MYO1B: variants seen among roughly 807,000 people sequenced by gnomAD.
The protein encoded by MYO1B is myosin IB.
MYO1B carries 72 observed loss-of-function variants against 159.7 expected under a neutral mutation model. The ratio of observed to expected loss-of-function variants is 0.45; its 90% CI spans 0.37 to 0.55. The LOEUF is 0.55. Ranked by LOEUF, MYO1B falls within the 20% of genes least tolerant of loss-of-function variation. The pLI is 0.00. For missense variants in MYO1B, 1,062 were observed against 1,364.8 expected (o/e 0.78, Z 3.50); for synonymous variants, 468 against 473.8 (o/e 0.99, Z 0.16).
chr2:191,412,459 G>A (rs1415104267), intron 27 of MYO1B, among the ~76,000 whole-genome samples: 1 of 152,136 alleles, frequency 6.6e-6, no homozygotes, highest in Non-Finnish European at 1.5e-5. Flanking sequence ...GTCCTTTTTG[G>A]GTAGTCTTAT....
intron 4 of MYO1B, among the ~76,000 whole-genome samples, chr2:191,339,129 C>T (rs1692046426): frequency 6.6e-6 from 1 of 151,976 alleles, no homozygotes; most frequent in Non-Finnish European, 1.5e-5. Flanking sequence ...GAGTTGGATG[C>T]CTGGGTGATT....
At chr2:191,373,146 G>T (rs1363993436) in intron 13 of MYO1B, among the ~76,000 whole-genome samples, 2 of 152,048 alleles carry the variant, frequency 1.3e-5, no homozygotes, top group Non-Finnish European at 2.9e-5. Flanking sequence ...CACCGCGCCG[G>T]CCTGGCTGCC....
intron 27 of MYO1B, 104 bp from the exon 28 acceptor site, chr2:191,413,944 A>C (rs1697404296): frequency 4.3e-6 from 5 of 1,156,436 alleles, no homozygotes; most frequent in Non-Finnish European, 6.0e-6. Context: ...ATCAATTTTT[A>C]TGAAGTTGTC....
intron 9 of MYO1B, among the ~76,000 whole-genome samples, chr2:191,362,981 A>T (rs1300625498): frequency 3.9e-5 from 6 of 152,184 alleles, no homozygotes; most frequent in African/African-American, 1.4e-4. Context: ...GTTGAGGGTG[A>T]GTGAAAGGAC....
intron 3 of MYO1B, among the ~76,000 whole-genome samples, chr2:191,312,395 C>T (rs1574403604): frequency 6.6e-6 from 1 of 152,212 alleles, no homozygotes; most frequent in Non-Finnish European, 1.5e-5. Flanking sequence ...AAACCACCTC[C>T]ATTCTGAAGC....
chr2:191,256,212 T>C (rs1686435571), intron 1 of MYO1B, among the ~76,000 whole-genome samples: 1 of 152,232 alleles, frequency 6.6e-6, no homozygotes, highest in South Asian at 2.1e-4. Context: ...GGCTGGGCTC[T>C]GGAGACAATA....
chr2:191,377,304 G>A (rs1159997290), intron 13 of MYO1B, among the ~76,000 whole-genome samples: 1 of 152,162 alleles, frequency 6.6e-6, no homozygotes, highest in African/African-American at 2.4e-5. Flanking sequence ...ATGTTTCTAA[G>A]TTTTAGTTTT....
At chr2:191,356,352 T>TGA (rs1258558798) in intron 7 of MYO1B, among the ~76,000 whole-genome samples, 16 of 150,390 alleles carry the variant, frequency 1.1e-4, no homozygotes, top group Non-Finnish European at 1.9e-4. Flanking sequence ...TTTTTTTTTT[T>TGA]TTTTTGAGTT....
intron 16 of MYO1B, among the ~76,000 whole-genome samples, chr2:191,386,762 A>AT (rs565969340): frequency 1.3e-5 from 2 of 151,902 alleles, no homozygotes; most frequent in Non-Finnish European, 2.9e-5. Context: ...TTGGTACTTT[A>AT]TTTTTTTTAT....
chr2:191,304,716 T>G (rs13408787), intron 3 of MYO1B, among the ~76,000 whole-genome samples: 3,437 of 152,314 alleles, frequency 0.023, 120 homozygotes, highest in African/African-American at 0.077. Flanking sequence ...GCCTAATGTT[T>G]TTATCATGAA....
intron 2 of MYO1B, among the ~76,000 whole-genome samples, chr2:191,293,732 C>T (rs1345385207): frequency 6.6e-6 from 1 of 152,084 alleles, no homozygotes; most frequent in East Asian, 1.9e-4. Flanking sequence ...TTATCAGCAT[C>T]GTCTTTATGA....
intron 3 of MYO1B, among the ~76,000 whole-genome samples, chr2:191,310,817 A>C (rs1049397407): frequency 6.6e-6 from 1 of 152,188 alleles, no homozygotes; most frequent in African/African-American, 2.4e-5. Context: ...AACTGGAAAA[A>C]ATTTTCAGAC....
At chr2:191,408,695 AAATTT>A (rs1258602808) in intron 25 of MYO1B, among the ~76,000 whole-genome samples, 30 of 152,252 alleles carry the variant, frequency 2.0e-4, no homozygotes, top group Non-Finnish European at 1.5e-4. Flanking sequence ...CTGGATTTTA[AAATTT>A]AATTTAATTT....
intron 17 of MYO1B, among the ~76,000 whole-genome samples, chr2:191,389,388 G>A (rs191556015): frequency 1.6e-4 from 24 of 152,354 alleles, no homozygotes; most frequent in African/African-American, 5.8e-4. Context: ...TATTTCTTAA[G>A]TAACTTCTAA....
intron 7 of MYO1B, among the ~76,000 whole-genome samples, chr2:191,356,281 A>G (rs1559196183): frequency 1.3e-5 from 2 of 151,888 alleles, no homozygotes; most frequent in African/African-American, 4.8e-5. Flanking sequence ...TAGGGTCACA[A>G]ATCAAAAACT....
chr2:191,382,159 T>C (rs746164784), intron 14 of MYO1B, among the ~76,000 whole-genome samples: 9 of 152,146 alleles, frequency 5.9e-5, no homozygotes, highest in African/African-American at 4.8e-5. Flanking sequence ...AGTGTAAAAT[T>C]AGTTATTTCA....
intron 19 of MYO1B, 68 bp from the exon 20 acceptor site, chr2:191,393,005 A>T: frequency 6.9e-7 from 1 of 1,451,746 alleles, no homozygotes; most frequent in Non-Finnish European, 9.4e-7. Context: ...GTCTCCTGAA[A>T]ATTCCTTTCC....
intron 7 of MYO1B, among the ~76,000 whole-genome samples, chr2:191,353,368 T>TTGG (rs1431761035): frequency 1.3e-5 from 2 of 152,170 alleles, no homozygotes; most frequent in Non-Finnish European, 2.9e-5. Context: ...TCACAGGCAT[T>TTGG]TGGTGGCAGT....
chr2:191,333,305 TAACATGCATCTC>T (rs947096732), intron 4 of MYO1B, among the ~76,000 whole-genome samples: 4 of 152,196 alleles, frequency 2.6e-5, no homozygotes, highest in African/African-American at 9.6e-5. Context: ...ACTTGGGGTC[TAACATGCATCTC>T]AGACTAAGCA....
Sources: gnomAD v4.1 joint callset for allele counts (sites outside exome capture counted in the v4.1 genomes callset) on GRCh38, gnomAD v4.1.1 for gene constraint, MANE v1.5 for transcripts, NCBI Gene and HGNC (gene_info 2026-07-23, HGNC 2026-07-21) for gene names.